CLSTN2: variants seen among roughly 807,000 people sequenced by gnomAD.
CLSTN2 encodes calsyntenin 2, also known as calsyntenin-2.
A neutral mutation model predicts 101.2 loss-of-function variants in CLSTN2; 48 were observed. That is an observed-to-expected ratio of 0.47 (90% CI 0.38 to 0.60). The LOEUF is 0.60. Among genes scored for constraint, CLSTN2 ranks in the 20% least tolerant of loss-of-function variants. The pLI, the probability that CLSTN2 is intolerant of heterozygous loss-of-function variation, is 0.00. For missense variants in CLSTN2, 1,160 were observed against 1,238.2 expected, an observed-to-expected ratio of 0.94 and a Z score of 0.95; for synonymous variants, 481 against 463.6, an observed-to-expected ratio of 1.04 and a Z score of -0.48.
Position 140,497,942 on chromosome 3 carries a change from G to A in CLSTN2, c.1344+31211G>A, listed in dbSNP as rs536547634. On this transcript the variant is annotated intron_variant, in intron 8 of 16. Coordinates refer to ENST00000458420, the MANE Select transcript of CLSTN2 (RefSeq NM_022131.3). ...CTTGGCTGGCGTTGGGGGTTCCTTT[G>A]GCTCTGCACCACTCCAGGGTGGGCT... Among the ~76,000 whole-genome samples, 246 of 152,264 alleles carry A rather than the reference G, an allele frequency of 1.6e-3. 1 individual carries two copies. Among genetic ancestry groups the A allele is most frequent in the African/African-American group, 5.8e-3 (241 of 41,558 alleles).
At chr3:140,269,637 G>T (rs922848474) in intron 2 of CLSTN2, among the ~76,000 whole-genome samples, 4 of 152,184 alleles carry the variant, frequency 2.6e-5, no homozygotes, top group African/African-American at 9.7e-5. Flanking sequence ...ATTATTGAGT[G>T]AACTCTGTGT....
intron 2 of CLSTN2, among the ~76,000 whole-genome samples, chr3:140,268,782 ATC>A (rs2086716994): frequency 1.3e-5 from 2 of 152,112 alleles, no homozygotes; most frequent in African/African-American, 4.8e-5. Flanking sequence ...GCAGTATATA[ATC>A]TGTGTCCTGG....
intron 2 of CLSTN2, among the ~76,000 whole-genome samples, chr3:140,374,469 T>C (rs1010089910): frequency 2.0e-5 from 3 of 152,228 alleles, no homozygotes; most frequent in African/African-American, 7.2e-5. Flanking sequence ...TCTTTGGGTA[T>C]GTTTATTGAA....
intron 6 of CLSTN2, among the ~76,000 whole-genome samples, chr3:140,453,950 T>C (rs964018028): frequency 2.0e-5 from 3 of 152,178 alleles, no homozygotes; most frequent in African/African-American, 7.2e-5. Flanking sequence ...CAGGAAACCA[T>C]GATGGGTTTC....
chr3:140,463,196 T>TAC (rs1933603530), intron 7 of CLSTN2, among the ~76,000 whole-genome samples: 2 of 152,332 alleles, frequency 1.3e-5, no homozygotes, highest in South Asian at 2.1e-4. Context: ...AATCCCCTCC[T>TAC]ACACACATAT....
intron 9 of CLSTN2, among the ~76,000 whole-genome samples, chr3:140,538,518 G>A (rs909792963): frequency 9.9e-5 from 15 of 152,284 alleles, no homozygotes; most frequent in South Asian, 4.1e-4. Flanking sequence ...AAGCAGTAAC[G>A]TACGATTTGT....
intron 8 of CLSTN2, among the ~76,000 whole-genome samples, chr3:140,486,957 G>A (rs151193047): frequency 1.1e-4 from 16 of 152,304 alleles, no homozygotes; most frequent in African/African-American, 3.6e-4. Flanking sequence ...AAGGCATTTG[G>A]AGAATGACTT....
chr3:140,462,720 A>G (rs976035306), intron 7 of CLSTN2: 3 of 151,996 alleles, frequency 2.0e-5, no homozygotes, highest in African/African-American at 7.3e-5. Flanking sequence ...CCATGGTTTT[A>G]CCTCCTGTCA....
intron 2 of CLSTN2, among the ~76,000 whole-genome samples, chr3:140,385,843 G>C (rs908656323): frequency 2.0e-5 from 3 of 152,128 alleles, no homozygotes; most frequent in Non-Finnish European, 2.9e-5. Context: ...CTAGGGCAGG[G>C]GTCTGGGGCA....
At chr3:140,466,876 C>T in intron 8 of CLSTN2, 145 bp downstream of exon 8, 3 of 1,058,226 alleles carry the variant, frequency 2.8e-6, no homozygotes, top group Non-Finnish European at 2.7e-6. Context: ...AGACACACAG[C>T]ATCTTAAAGT....
chr3:140,263,204 T>A (rs1381120693), intron 2 of CLSTN2, among the ~76,000 whole-genome samples: 2 of 151,966 alleles, frequency 1.3e-5, no homozygotes, highest in African/African-American at 4.8e-5. Context: ...GGTCAAGTAC[T>A]GACAAAACCT....
chr3:140,222,603 A>G (rs2107853795), intron 2 of CLSTN2, among the ~76,000 whole-genome samples: 1 of 152,296 alleles, frequency 6.6e-6, no homozygotes, highest in Admixed American at 6.5e-5. Flanking sequence ...TATACCTACT[A>G]TGTACCCACA....
At chr3:140,288,132 G>GT (rs953359637) in intron 2 of CLSTN2, among the ~76,000 whole-genome samples, 24 of 150,832 alleles carry the variant, frequency 1.6e-4, no homozygotes, top group African/African-American at 4.9e-4. Context: ...GAAACCGGCG[G>GT]GGGGGGTCAG....
intron 2 of CLSTN2, among the ~76,000 whole-genome samples, chr3:140,312,172 TC>T (rs1228055913): frequency 2.0e-5 from 3 of 152,252 alleles, no homozygotes; most frequent in Non-Finnish European, 2.9e-5. Flanking sequence ...AGTAGCTGTT[TC>T]CTCTGTGCTA....
At chr3:140,431,050 T>G (rs1228204684) in intron 5 of CLSTN2, among the ~76,000 whole-genome samples, 1 of 152,242 alleles carries the variant, frequency 6.6e-6, no homozygotes, top group Non-Finnish European at 1.5e-5. Flanking sequence ...CTGCATGTCC[T>G]TAAGCAATGT....
At chr3:140,281,818 C>T (rs931387669) in intron 2 of CLSTN2, among the ~76,000 whole-genome samples, 1 of 151,994 alleles carries the variant, frequency 6.6e-6, no homozygotes, top group African/African-American at 2.4e-5. Flanking sequence ...AAAGTCCAGC[C>T]TTAAGGGTGC....
intron 6 of CLSTN2, among the ~76,000 whole-genome samples, chr3:140,456,356 T>A (rs574485483): frequency 6.6e-6 from 1 of 152,320 alleles, no homozygotes; most frequent in South Asian, 2.1e-4. Flanking sequence ...GGGCTCTTTA[T>A]CTGTAACCTG....
At chr3:140,113,863 T>C (rs1033216713) in intron 1 of CLSTN2, among the ~76,000 whole-genome samples, 15 of 152,182 alleles carry the variant, frequency 9.9e-5, no homozygotes, top group Admixed American at 7.9e-4. Context: ...TGTGTATATA[T>C]GTGTATACGT....
At chr3:140,388,667 GTCTCCT>G (rs2088079713) in intron 2 of CLSTN2, among the ~76,000 whole-genome samples, 1 of 152,178 alleles carries the variant, frequency 6.6e-6, no homozygotes. Flanking sequence ...CTGTGCTTCA[GTCTCCT>G]TCTCTGTATA....
Sources: gnomAD v4.1 joint callset for allele counts (sites outside exome capture counted in the v4.1 genomes callset) on GRCh38, gnomAD v4.1.1 for gene constraint, MANE v1.5 for transcripts, NCBI Gene and HGNC (gene_info 2026-07-23, HGNC 2026-07-21) for gene names.